The following RIMKLA variants were observed in gnomAD, a reference collection of about 807,000 sequenced individuals.
The protein encoded by RIMKLA is ribosomal modification protein rimK like family member A.
Under a neutral mutation model 32.7 loss-of-function variants are expected in RIMKLA, and 14 were observed. The observed-to-expected ratio is 0.43, with a 90% CI of 0.28 to 0.67. The LOEUF is 0.67. Ranked by LOEUF, RIMKLA falls within the 30% of genes least tolerant of loss-of-function variation. RIMKLA has a pLI of 0.18. For missense variants in RIMKLA, 410 were observed against 519.0 expected (o/e 0.79, Z 2.04); for synonymous variants, 176 against 204.1 (o/e 0.86, Z 1.18).
At chr1:42,398,314 A>C (rs1643064930) in intron 1 of RIMKLA, among the ~76,000 whole-genome samples, 1 of 152,168 alleles carries the variant, frequency 6.6e-6, no homozygotes, top group Admixed American at 6.5e-5. Flanking sequence ...TTCCTACTTA[A>C]CCCAGTGGAA....
chr1:42,414,457 C>T, intron 4 of RIMKLA, 27 bp from the exon 5 acceptor site: 1 of 1,609,262 alleles, frequency 6.2e-7, no homozygotes, highest in Non-Finnish European at 8.5e-7. Context: ...CAGTTGTCAC[C>T]TTTACATCAC....
At chr1:42,390,238 A>G (rs1476106998) in intron 1 of RIMKLA, among the ~76,000 whole-genome samples, 3 of 152,060 alleles carry the variant, frequency 2.0e-5, no homozygotes, top group South Asian at 2.1e-4. Flanking sequence ...GGGTTTTACC[A>G]TGCTAGCCAG....
Position 42,420,814 on chromosome 1 carries a change from A to G in RIMKLA, c.*5840A>G, listed in dbSNP as rs190726107. 200 of 152,412 alleles carry G rather than the reference A, an allele frequency of 1.3e-3. 1 individual carries two copies. Among genetic ancestry groups the G allele is most frequent in the African/African-American group, 4.7e-3 (197 of 41,580 alleles). 9.4% of individuals were successfully genotyped at this position (152,412 alleles called of 1,614,324 possible). ...GATCCAGTTCAAATCCAGGTAACTTAAAGCTTGTGTGACCCAGGGACACTT... is the reference window on the plus strand; with the variant it reads ...GATCCAGTTCAAATCCAGGTAACTTGAAGCTTGTGTGACCCAGGGACACTT... On this transcript the variant is annotated 3_prime_UTR_variant, in exon 5 of 5. Transcript: ENST00000431473.
rs1553177697 is a variant in RIMKLA at position 42,416,085 on chromosome 1, T to TG, written c.*1112dup. The stretch of plus-strand genomic sequence containing the variant: ...ATCAGGAATTACCCATTGCACATTT[T>TG]GCGGGGGGGGGGGCTAATGTAGACA... On this transcript the variant is annotated 3_prime_UTR_variant, in exon 5 of 5. Transcript: ENST00000431473. 1.8e-5 allele frequency: 1 copy of TG among 55,046 alleles called. No homozygotes were observed. Among genetic ancestry groups the TG allele is most frequent in the Admixed American group, 1.7e-4 (1 of 5,964 alleles). 3.4% of individuals were successfully genotyped at this position (55,046 alleles called of 1,614,324 possible).
At chr1:42,390,547 A>G (rs910435036) in intron 1 of RIMKLA, among the ~76,000 whole-genome samples, 1 of 152,218 alleles carries the variant, frequency 6.6e-6, no homozygotes, top group Non-Finnish European at 1.5e-5. Flanking sequence ...TTACAAGAGC[A>G]GAGAAGGTAA....
At chr1:42,405,815 C>T (rs903723739) in intron 3 of RIMKLA, among the ~76,000 whole-genome samples, 5 of 152,162 alleles carry the variant, frequency 3.3e-5, no homozygotes, top group African/African-American at 1.2e-4. Context: ...ATGAAGTCTT[C>T]ACTGGAAGAA....
At chr1:42,401,118 T>G (rs1643093380) in intron 2 of RIMKLA, among the ~76,000 whole-genome samples, 1 of 152,030 alleles carries the variant, frequency 6.6e-6, no homozygotes, top group Non-Finnish European at 1.5e-5. Context: ...ATTAGTTAGA[T>G]TCTCATAAGC....
chr1:42,381,192 T>A, intron 1 of RIMKLA, 95 bp downstream of exon 1: 1 of 985,384 alleles, frequency 1.0e-6, no homozygotes, highest in Non-Finnish European at 1.3e-6. Context: ...CGCAGCAGAG[T>A]CTCCTTCGGG....
chr1:42,393,886 G>C (rs1233659429), intron 1 of RIMKLA, among the ~76,000 whole-genome samples: 3 of 152,170 alleles, frequency 2.0e-5, no homozygotes, highest in Non-Finnish European at 4.4e-5. Context: ...CCGGGTTCAA[G>C]CAATTCTCCT....
At chr1:42,397,600 T>C (rs1570321353) in intron 1 of RIMKLA, among the ~76,000 whole-genome samples, 1 of 152,040 alleles carries the variant, frequency 6.6e-6, no homozygotes, top group Admixed American at 6.6e-5. Context: ...TGATGCACAC[T>C]TGTAGTCCCA....
intron 3 of RIMKLA, among the ~76,000 whole-genome samples, chr1:42,408,270 A>G (rs139851234): frequency 1.6e-4 from 24 of 152,276 alleles, no homozygotes; most frequent in African/African-American, 3.8e-4. Flanking sequence ...GTCACCTGCC[A>G]TGTGGACATC....
Position 42,422,447 on chromosome 1 carries a change from T to G in RIMKLA, c.*7473T>G, listed in dbSNP as rs752276186. 1 of 152,252 alleles carries G rather than the reference T, an allele frequency of 6.6e-6. No individual in the cohort carries two copies. Among genetic ancestry groups the G allele is most frequent in the Non-Finnish European group, 1.5e-5 (1 of 68,042 alleles). 9.4% of individuals were successfully genotyped at this position (152,252 alleles called of 1,614,324 possible). A position where few individuals can be genotyped will look rare whatever the true frequency, so the allele number is the denominator to read the frequency against. On this transcript the variant is annotated 3_prime_UTR_variant, in exon 5 of 5. Coordinates refer to ENST00000431473, the MANE Select transcript of RIMKLA (RefSeq NM_173642.4). ...TATGCTGAAAAGAATACATCTTAAC[T>G]AGGCACCAGAATAGCTCATTTCCAA...
chr1:42,390,723 T>A (rs11210635), intron 1 of RIMKLA, among the ~76,000 whole-genome samples: 93,681 of 151,954 alleles, frequency 0.62, 29,313 homozygotes, highest in African/African-American at 0.68. Flanking sequence ...AATAGTGTTG[T>A]GGTTGATTGA....
chr1:42,390,771 G>T (rs567909281), intron 1 of RIMKLA, among the ~76,000 whole-genome samples: 1 of 152,320 alleles, frequency 6.6e-6, no homozygotes, highest in East Asian at 1.9e-4. Flanking sequence ...AGACATTAAG[G>T]GTGCCCATGA....
chr1:42,410,201 G>T lies in RIMKLA; in HGVS notation c.685+14G>T, dbSNP rs1489114078. ...ACTGCTCTCTCGGTAAGGTATAAAA[G>T]CACAGGGTTTTATTAGGGTATTTGG... On this transcript the variant is annotated intron_variant, in intron 4 of 4. Coordinates refer to ENST00000431473, the MANE Select transcript of RIMKLA (RefSeq NM_173642.4). 1 of 1,608,914 alleles carries T rather than the reference G, an allele frequency of 6.2e-7. No homozygotes were observed. The highest frequency in any genetic ancestry group is 1.1e-5 in the South Asian group (1 of 90,944).
In RIMKLA at chr1:42,415,968, T is replaced by A. The variant is rs1643242874; in HGVS notation, c.*994T>A. On this transcript the variant is annotated 3_prime_UTR_variant, in exon 5 of 5. Transcript: ENST00000431473. ...AGGTCTATTGAGTAGATGGGAGCCA[T>A]TGGAAACACTCCAATCCCCTTGAAA... The A allele has an allele frequency of 6.6e-6, 1 of 151,952 alleles. No homozygotes were observed. Among genetic ancestry groups the A allele is most frequent in the African/African-American group, 2.4e-5 (1 of 41,374 alleles). 9.4% of individuals were successfully genotyped at this position (151,952 alleles called of 1,614,324 possible).
At chr1:42,400,080 T>A (rs1312293400) in intron 2 of RIMKLA, among the ~76,000 whole-genome samples, 16 of 152,306 alleles carry the variant, frequency 1.1e-4, no homozygotes, top group African/African-American at 3.6e-4. Context: ...AGAGTTACGC[T>A]GAAGTTATCT....
chr1:42,413,501 CAAAAAAAA>C (rs201462707), intron 4 of RIMKLA, among the ~76,000 whole-genome samples: 4 of 125,614 alleles, frequency 3.2e-5, no homozygotes, highest in East Asian at 3.0e-4. Flanking sequence ...AAGAGTCTCT[CAAAAAAAA>C]AAAAAAAAAA....
At chr1:42,391,068 G>A (rs1370251656) in intron 1 of RIMKLA, among the ~76,000 whole-genome samples, 1 of 152,182 alleles carries the variant, frequency 6.6e-6, no homozygotes, top group Non-Finnish European at 1.5e-5. Context: ...AATAGTACTA[G>A]AAGAAGCAAG....
Sources: allele counts gnomAD v4.1 joint callset (sites outside exome capture counted in the v4.1 genomes callset), GRCh38; gene constraint gnomAD v4.1.1; transcripts MANE v1.5; gene names NCBI Gene and HGNC (gene_info 2026-07-23, HGNC 2026-07-21).